Variants in ARHGAP28 observed in about 807,000 individuals in gnomAD.
The protein encoded by ARHGAP28 is rho GTPase-activating protein 28.
ARHGAP28 carries 56 observed loss-of-function variants against 90.7 expected under a neutral mutation model. That is an observed-to-expected ratio of 0.62 (90% CI 0.50 to 0.77). The LOEUF (loss-of-function observed/expected upper bound fraction) is 0.77, where lower values mean the gene tolerates loss of function less well. ARHGAP28 is among the 30% of genes least tolerant of loss of function. The probability of loss-of-function intolerance (pLI) is 0.00; values close to 1 mark genes in which losing one functional copy is unlikely to be tolerated. For synonymous variants in ARHGAP28, 308 were observed against 323.3 expected, an observed-to-expected ratio of 0.95 and a Z score of 0.51; for missense variants, 869 against 900.9, an observed-to-expected ratio of 0.96 and a Z score of 0.45.
intron 1 of ARHGAP28, among the ~76,000 whole-genome samples, chr18:6,768,763 C>T (rs1188390679): frequency 2.0e-5 from 3 of 152,102 alleles, no homozygotes; most frequent in Non-Finnish European, 2.9e-5. Context: ...AACTCTGTTC[C>T]ATGTCCCCTT....
At chr18:6,754,113 G>A (rs753561655) in intron 1 of ARHGAP28, among the ~76,000 whole-genome samples, 10 of 152,136 alleles carry the variant, frequency 6.6e-5, no homozygotes, top group East Asian at 1.9e-4. Context: ...AAACATTATC[G>A]TAGAGTGGAA....
intron 1 of ARHGAP28, among the ~76,000 whole-genome samples, chr18:6,769,834 A>G (rs1025890780): frequency 6.6e-6 from 1 of 152,270 alleles, no homozygotes; most frequent in African/African-American, 2.4e-5. Flanking sequence ...CACGGCATTT[A>G]TCAGGGCCCT....
intron 1 of ARHGAP28, among the ~76,000 whole-genome samples, chr18:6,781,520 C>A (rs868217577): frequency 1.3e-5 from 2 of 152,222 alleles, no homozygotes; most frequent in African/African-American, 2.4e-5. Flanking sequence ...CCATCACTCC[C>A]CAGCGGGAGC....
chr18:6,896,451 C>T (rs11081282), intron 15 of ARHGAP28, 51 bp from the exon 16 acceptor site: 892,828 of 1,599,078 alleles, frequency 0.56, 250,977 homozygotes, highest in East Asian at 0.68. Flanking sequence ...ATCATTGAGC[C>T]GATATTCATC....
chr18:6,877,085 A>G (rs1412188280), intron 10 of ARHGAP28, among the ~76,000 whole-genome samples: 1 of 148,646 alleles, frequency 6.7e-6, no homozygotes, highest in Non-Finnish European at 1.5e-5. Flanking sequence ...ATGTTTATCA[A>G]AAAGACATTT....
chr18:6,780,599 G>T (rs2056316644), intron 1 of ARHGAP28, among the ~76,000 whole-genome samples: 1 of 152,010 alleles, frequency 6.6e-6, no homozygotes, highest in African/African-American at 2.4e-5. Context: ...AAAAAAATCA[G>T]TCTCTTAGGC....
chr18:6,814,023 G>T (rs2056574231), intron 1 of ARHGAP28, among the ~76,000 whole-genome samples: 1 of 152,106 alleles, frequency 6.6e-6, no homozygotes, highest in Non-Finnish European at 1.5e-5. Flanking sequence ...AACTGATGGA[G>T]CACAGAATGG....
At chr18:6,776,208 G>A (rs1205895139) in intron 1 of ARHGAP28, among the ~76,000 whole-genome samples, 3 of 152,074 alleles carry the variant, frequency 2.0e-5, no homozygotes, top group Non-Finnish European at 4.4e-5. Flanking sequence ...TATGATAAGT[G>A]GAATGACAAA....
chr18:6,743,602 A>G (rs1329503082), intron 1 of ARHGAP28, among the ~76,000 whole-genome samples: 4 of 152,244 alleles, frequency 2.6e-5, no homozygotes, highest in Non-Finnish European at 5.9e-5. Flanking sequence ...ATGCATAGAA[A>G]TAAGAATAAT....
rs778293376 is a variant in ARHGAP28 at position 6,894,874 on chromosome 18, C to T, written c.1888C>T (p.Pro630Ser). Residue 630 changes from proline (P) to serine (S), a missense_variant, in exon 15 of 18, where the codon CCC becomes TCC. By Grantham distance (74) the Pro-to-Ser change is moderately conservative. Coordinates refer to ENST00000383472, the MANE Select transcript of ARHGAP28 (RefSeq NM_001366230.1). ...PKTSKVLQKS[P>S]SARRMSDVPE... Reference sequence around the variant, plus strand: ...GACTTCAAAGGTACTGCAAAAATCACCCTCGGCAAGACGAATGGTAAGAAA... The same window carrying T: ...GACTTCAAAGGTACTGCAAAAATCATCCTCGGCAAGACGAATGGTAAGAAA... The T allele has an allele frequency of 3.7e-6, 6 of 1,614,036 alleles. No homozygotes were observed. Among genetic ancestry groups the T allele is most frequent in the Non-Finnish European group, 4.2e-6 (5 of 1,179,992 alleles).
At chr18:6,793,291 A>ACCTAT (rs2056419028) in intron 1 of ARHGAP28, among the ~76,000 whole-genome samples, 1 of 152,208 alleles carries the variant, frequency 6.6e-6, no homozygotes, top group Admixed American at 6.5e-5. Context: ...AGGTCTTTTT[A>ACCTAT]TGCTCAAAAT....
intron 1 of ARHGAP28, among the ~76,000 whole-genome samples, chr18:6,748,953 G>A (rs185126933): frequency 2.0e-5 from 3 of 152,238 alleles, no homozygotes; most frequent in East Asian, 1.9e-4. Context: ...TGTCAAGATG[G>A]AGGCAAAACA....
At chr18:6,790,238 G>C (rs1392455058) in intron 1 of ARHGAP28, 1 of 152,164 alleles carries the variant, frequency 6.6e-6, no homozygotes, top group Non-Finnish European at 1.5e-5. Context: ...TCATAGGCTA[G>C]ATACCTTAAG....
At chr18:6,854,185 A>G (rs973264373) in intron 4 of ARHGAP28, among the ~76,000 whole-genome samples, 4 of 150,198 alleles carry the variant, frequency 2.7e-5, no homozygotes, top group African/African-American at 9.8e-5. Context: ...ATATAGTAGA[A>G]TTTCTCTCTC....
intron 3 of ARHGAP28, among the ~76,000 whole-genome samples, chr18:6,846,889 C>T (rs981944942): frequency 2.6e-5 from 4 of 152,174 alleles, no homozygotes; most frequent in African/African-American, 9.7e-5. Flanking sequence ...CACATGAAAT[C>T]GACAGCAGTT....
chr18:6,872,978 G>C (rs920275711), intron 7 of ARHGAP28, among the ~76,000 whole-genome samples: 2 of 151,950 alleles, frequency 1.3e-5, no homozygotes, highest in Non-Finnish European at 2.9e-5. Flanking sequence ...TTTAAAGATT[G>C]ACTGCCCAAG....
chr18:6,757,631 C>T (rs897691520), intron 1 of ARHGAP28, among the ~76,000 whole-genome samples: 1 of 152,144 alleles, frequency 6.6e-6, no homozygotes, highest in African/African-American at 2.4e-5. Context: ...TAAGCAGTGA[C>T]AAGTGTATAT....
At chr18:6,872,559 C>T (rs188569591) in intron 7 of ARHGAP28, among the ~76,000 whole-genome samples, 39 of 152,192 alleles carry the variant, frequency 2.6e-4, no homozygotes, top group East Asian at 3.9e-4. Context: ...ATAATTTAAT[C>T]TATGGGGTTT....
intron 1 of ARHGAP28, among the ~76,000 whole-genome samples, chr18:6,803,904 G>A (rs1212046500): frequency 5.3e-5 from 8 of 151,846 alleles, no homozygotes; most frequent in South Asian, 2.1e-4. Flanking sequence ...TCAGCCTCCC[G>A]AGTAGCTGGG....
Sources: gnomAD v4.1 joint callset for allele counts (sites outside exome capture counted in the v4.1 genomes callset) on GRCh38, gnomAD v4.1.1 for gene constraint, MANE v1.5 for transcripts, NCBI Gene and HGNC (gene_info 2026-07-23, HGNC 2026-07-21) for gene names.